Variants in CLVS1 observed in about 807,000 individuals in gnomAD.
CLVS1 encodes the protein clavesin 1, also known as clavesin-1.
A neutral mutation model predicts 33.1 loss-of-function variants in CLVS1; 10 were observed. That is an observed-to-expected ratio of 0.30 (90% confidence interval 0.19 to 0.51). The LOEUF is 0.51. CLVS1 is among the 20% of genes least tolerant of loss of function. The probability of loss-of-function intolerance (pLI) is 0.97; values close to 1 mark genes in which losing one functional copy is unlikely to be tolerated. For missense variants in CLVS1, 343 were observed against 433.4 expected (o/e 0.79, Z 1.85); for synonymous variants, 163 against 166.1 (o/e 0.98, Z 0.14).
At chr8:61,161,993 C>CA (rs34857935) in intron 2 of CLVS1, among the ~76,000 whole-genome samples, 836 of 70,038 alleles carry the variant, frequency 0.012, 2 homozygotes, top group African/African-American at 0.016. Flanking sequence ...TACTTTTTGA[C>CA]AAAAAAAAAA....
chr8:61,239,111 A>T (rs1011074085), intron 2 of CLVS1, among the ~76,000 whole-genome samples: 11 of 152,242 alleles, frequency 7.2e-5, no homozygotes, highest in Non-Finnish European at 4.4e-5. Context: ...AAAACAAAAA[A>T]CTATACCTTT....
At chr8:61,494,758 T>C (rs1191781726) in intron 5 of CLVS1, among the ~76,000 whole-genome samples, 1 of 152,212 alleles carries the variant, frequency 6.6e-6, no homozygotes, top group African/African-American at 2.4e-5. Flanking sequence ...CTTTATTTCT[T>C]TTTTTCTAGA....
the CLVS1 span, among the ~76,000 whole-genome samples, chr8:60,988,566 G>A: frequency 2.6e-5 from 4 of 152,038 alleles, no homozygotes; most frequent in Non-Finnish European, 4.4e-5. Context: ...GTGCTAGCCA[G>A]AGCAATAAAA....
intron 1 of CLVS1, among the ~76,000 whole-genome samples, chr8:61,065,275 G>T (rs1367291029): frequency 6.6e-6 from 1 of 152,122 alleles, no homozygotes; most frequent in Non-Finnish European, 1.5e-5. Flanking sequence ...TTGTTATATT[G>T]TATTTTCTAG....
At chr8:61,183,148 A>G (rs4990394) in intron 2 of CLVS1, among the ~76,000 whole-genome samples, 113,468 of 149,090 alleles carry the variant, frequency 0.76, 44,341 homozygotes, top group Middle Eastern at 0.93. Flanking sequence ...GCCTGTGGGC[A>G]GGGCGGAGGG....
intron 2 of CLVS1, among the ~76,000 whole-genome samples, chr8:61,363,373 A>G (rs985785107): frequency 6.6e-6 from 1 of 152,170 alleles, no homozygotes; most frequent in Non-Finnish European, 1.5e-5. Context: ...CTTTGAAGGG[A>G]ATGTACGCTG....
At chr8:61,335,988 G>T (rs1271840160) in intron 2 of CLVS1, among the ~76,000 whole-genome samples, 1 of 152,188 alleles carries the variant, frequency 6.6e-6, no homozygotes, top group African/African-American at 2.4e-5. Context: ...GGAGACAAGA[G>T]TCAGGGAATA....
chr8:61,166,545 G>A (rs1461503685), intron 2 of CLVS1, among the ~76,000 whole-genome samples: 1 of 59,338 alleles, frequency 1.7e-5, no homozygotes, highest in African/African-American at 5.1e-5. Context: ...CGTAATAAAA[G>A]CTTTTTTTTT....
intron 2 of CLVS1, among the ~76,000 whole-genome samples, chr8:61,263,714 G>T (rs929747804): frequency 3.9e-5 from 6 of 152,190 alleles, no homozygotes; most frequent in African/African-American, 1.4e-4. Context: ...GGTATCACAA[G>T]ATATGGGTTT....
chr8:61,059,864 G>A (rs1361059265), intron 1 of CLVS1, among the ~76,000 whole-genome samples: 1 of 151,902 alleles, frequency 6.6e-6, no homozygotes, highest in Non-Finnish European at 1.5e-5. Flanking sequence ...TTGCCAAGTG[G>A]TATGCCCATG....
chr8:61,305,178 A>C (rs1034386563), intron 2 of CLVS1, among the ~76,000 whole-genome samples: 2 of 152,154 alleles, frequency 1.3e-5, no homozygotes. Context: ...AATACCTAGG[A>C]TACTGGGTCA....
chr8:61,493,884 T>G (rs2129608731), intron 5 of CLVS1, among the ~76,000 whole-genome samples: 1 of 152,290 alleles, frequency 6.6e-6, no homozygotes, highest in African/African-American at 2.4e-5. Flanking sequence ...GAATCACTCC[T>G]GAGGTTCCTT....
chr8:61,208,386 A>C (rs1807901609), intron 2 of CLVS1, among the ~76,000 whole-genome samples: 1 of 152,224 alleles, frequency 6.6e-6, no homozygotes, highest in South Asian at 2.1e-4. Context: ...AATCAGAAAA[A>C]TATTACATTC....
chr8:61,248,977 C>T (rs1808877076), intron 2 of CLVS1, among the ~76,000 whole-genome samples: 1 of 152,068 alleles, frequency 6.6e-6, no homozygotes, highest in South Asian at 2.1e-4. Context: ...AGTTTTGTTA[C>T]ATAGAGATAC....
chr8:61,461,444 A>G (rs1817362204), intron 5 of CLVS1, among the ~76,000 whole-genome samples: 1 of 152,174 alleles, frequency 6.6e-6, no homozygotes, highest in African/African-American at 2.4e-5. Context: ...TAGTGCCTCA[A>G]ACTAGATTGT....
the CLVS1 span, among the ~76,000 whole-genome samples, chr8:61,043,015 A>T: frequency 6.6e-6 from 1 of 152,200 alleles, no homozygotes; most frequent in Non-Finnish European, 1.5e-5. Flanking sequence ...GCTGTTGGTT[A>T]TAGGTCTGAG....
intron 1 of CLVS1, among the ~76,000 whole-genome samples, chr8:61,097,147 G>C (rs1805365959): frequency 6.6e-6 from 1 of 151,738 alleles, no homozygotes; most frequent in Admixed American, 6.6e-5. Flanking sequence ...GATCACTGAG[G>C]CCAGGAGTTT....
chr8:61,315,011 A>G (rs1318708911), intron 2 of CLVS1, among the ~76,000 whole-genome samples: 2 of 152,164 alleles, frequency 1.3e-5, no homozygotes, highest in Non-Finnish European at 1.5e-5. Flanking sequence ...TGCCCAATGG[A>G]CCAGCAGGCA....
intron 2 of CLVS1, among the ~76,000 whole-genome samples, chr8:61,270,334 T>A: frequency 6.6e-6 from 1 of 152,256 alleles, no homozygotes; most frequent in African/African-American, 2.4e-5. Flanking sequence ...TTGCGTATAT[T>A]GAACCAGCCT....
Sources: gnomAD v4.1 joint callset for allele counts (sites outside exome capture counted in the v4.1 genomes callset) on GRCh38, gnomAD v4.1.1 for gene constraint, MANE v1.5 for transcripts, NCBI Gene and HGNC (gene_info 2026-07-23, HGNC 2026-07-21) for gene names.